Variants in PPP6R2 observed in about 807,000 individuals in gnomAD.
PPP6R2 encodes serine/threonine-protein phosphatase 6 regulatory subunit 2.
Under a neutral mutation model 100.2 loss-of-function variants are expected in PPP6R2, and 62 were observed. The ratio of observed to expected loss-of-function variants is 0.62; its 90% CI spans 0.50 to 0.76. The LOEUF (loss-of-function observed/expected upper bound fraction) is 0.76. Among genes scored for constraint, PPP6R2 ranks in the 30% least tolerant of loss-of-function variants. The pLI, the probability that PPP6R2 is intolerant of heterozygous loss-of-function variation, is 0.00. For missense variants in PPP6R2, 1,142 were observed against 1,276.3 expected (o/e 0.89, Z 1.60); for synonymous variants, 525 against 514.7 (o/e 1.02, Z -0.27).
chr22:50,424,604 AG>A, intron 10 of PPP6R2, among the ~76,000 whole-genome samples: 1 of 150,842 alleles, frequency 6.6e-6, no homozygotes, highest in East Asian at 2.0e-4. Flanking sequence ...CAATTACAAA[AG>A]AGACCTACTT....
chr22:50,356,226 A>AATGCTGGGATTACAGGTGCGAGCC (rs2046542227), intron 1 of PPP6R2, among the ~76,000 whole-genome samples: 1 of 150,606 alleles, frequency 6.6e-6, no homozygotes, highest in African/African-American at 2.4e-5. Flanking sequence ...GGCCTCCCAA[A>AATGCTGGGATTACAGGTGCGAGCC]ATGCTGGGAT....
At chr22:50,331,457 G>C in the PPP6R2 span, among the ~76,000 whole-genome samples, 4 of 152,060 alleles carry the variant, frequency 2.6e-5, no homozygotes, top group African/African-American at 9.7e-5. Context: ...CCAACGCTTA[G>C]TATTATTGTT....
chr22:50,375,855 T>TTTTTTTTTTTTTTTTTTTTTTTG, intron 2 of PPP6R2, among the ~76,000 whole-genome samples: 1 of 143,552 alleles, frequency 7.0e-6, no homozygotes, highest in African/African-American at 2.7e-5. Flanking sequence ...TTTTTTTTTT[T>TTTTTTTTTTTTTTTTTTTTTTTG]TTTGAGATGG....
chr22:50,360,304 G>A (rs954599719), intron 1 of PPP6R2, among the ~76,000 whole-genome samples: 1 of 151,110 alleles, frequency 6.6e-6, no homozygotes, highest in African/African-American at 2.4e-5. Flanking sequence ...GCCTGCCTTG[G>A]CCTCCCAAAG....
Position 50,418,760 on chromosome 22 carries a change from G to T in PPP6R2, c.619-107G>T, listed in dbSNP as rs1246731858. 1.3e-5 allele frequency: 11 copies of T among 819,558 alleles called. No individual in the cohort carries two copies. In the East Asian group the frequency reaches 2.2e-4, roughly 16 times the overall value. The allele number at this position is 819,558 out of a possible 1,614,324, so 50.8% of individuals were successfully genotyped here. The stretch of plus-strand genomic sequence containing the variant: ...GGTATTGAACAACAACGAAAGTCTA[G>T]CATCTGCCAGAGAAGCAGCAGGACT... On this transcript the variant is annotated intron_variant, in intron 6 of 23. Coordinates refer to ENST00000612753, the MANE Select transcript of PPP6R2 (RefSeq NM_001242898.2).
In PPP6R2 at chr22:50,356,469, A is replaced by AT. The variant is rs1333003403; in HGVS notation, c.-148+12928dup. ...AGGTACACACCACCATGTCCAGCTA[A>AT]TTTTTTTTTGTATTTTTAGTAGAGA... On this transcript the variant is annotated intron_variant, in intron 1 of 23. Coordinates refer to ENST00000612753, the MANE Select transcript of PPP6R2 (RefSeq NM_001242898.2). Among the ~76,000 whole-genome samples the AT allele has an allele frequency of 9.3e-5, 14 of 151,034 alleles. No individual in the cohort carries two copies. In the East Asian group the frequency reaches 1.6e-3, roughly 17 times the overall value.
chr22:50,414,428 G>T (rs2060233429), intron 4 of PPP6R2, 124 bp from the exon 5 acceptor site: 2 of 1,084,432 alleles, frequency 1.8e-6, no homozygotes, highest in Non-Finnish European at 2.6e-6. Context: ...ATCTTGTCTG[G>T]GTCTTTCCGT....
chr22:50,437,353 G>A (rs1569492039), intron 15 of PPP6R2, among the ~76,000 whole-genome samples, 153 bp from the exon 16 acceptor site: 1 of 152,222 alleles, frequency 6.6e-6, no homozygotes, highest in Non-Finnish European at 1.5e-5. Flanking sequence ...TGGTAGAATC[G>A]TGAGCCCTGA....
rs771909622 is a variant in PPP6R2 at position 50,416,149 on chromosome 22, G to A, written c.610G>A (p.Asp204Asn). The A allele has an allele frequency of 6.2e-6, 10 of 1,613,210 alleles. No individual in the cohort carries two copies. The highest frequency in any genetic ancestry group is 8.5e-6 in the Non-Finnish European group (10 of 1,179,318). The change falls in exon 6 of 24, where the codon GAT (aspartate) becomes AAT (asparagine). Residue 204 changes from aspartate (D) to asparagine (N), a missense_variant. Asp to Asn is a conservative substitution (Grantham distance 23). Coordinates refer to ENST00000612753, the MANE Select transcript of PPP6R2 (RefSeq NM_001242898.2). ...RLVELIHPSQ[D>N]EDRQSNASQT... is the part of the protein sequence containing the mutation. ...TGTGGAGTTGATCCACCCGAGCCAG[G>A]ATGAAGATGTGAGTGTGCTGCTTAC...
Position 50,394,601 on chromosome 22 carries a change from A to C in PPP6R2, c.227+466A>C, listed in dbSNP as rs1395256885. Among the ~76,000 whole-genome samples, 7 of 43,006 alleles carry C rather than the reference A, an allele frequency of 1.6e-4. No homozygotes were observed. In the South Asian group the frequency reaches 2.9e-3, roughly 18 times the overall value. The allele number at this position is 43,006 out of a possible 152,430, so 28.2% of individuals were successfully genotyped here. On this transcript the variant is annotated intron_variant, in intron 3 of 23. Coordinates refer to ENST00000612753, the MANE Select transcript of PPP6R2 (RefSeq NM_001242898.2). ...GTGACAAGAGTGAAACCCTGTCTTT[A>C]AAAAAAAAAAAAAAAAAAAAAAAGG...
At chr22:50,438,543 T>C in intron 18 of PPP6R2, 56 bp from the exon 19 acceptor site, 1 of 1,588,330 alleles carries the variant, frequency 6.3e-7, no homozygotes, top group East Asian at 2.2e-5. Flanking sequence ...CCACTGACCC[T>C]CCATGTTAGG....
chr22:50,341,201 C>T (rs559035144), upstream of PPP6R2, among the ~76,000 whole-genome samples: 5 of 152,220 alleles, frequency 3.3e-5, no homozygotes, highest in Admixed American at 2.0e-4. Flanking sequence ...TGTGAGCCAC[C>T]GCGCCTGTCC....
intron 4 of PPP6R2, among the ~76,000 whole-genome samples, chr22:50,414,331 G>GCCC (rs57634612): frequency 3.7e-5 from 1 of 26,800 alleles, no homozygotes; most frequent in Non-Finnish European, 1.1e-4. Flanking sequence ...CTGTGCAGTG[G>GCCC]CCCCCCCCCC....
At chr22:50,342,434 G>A (rs938783148), upstream of PPP6R2, among the ~76,000 whole-genome samples, 2 of 152,248 alleles carry the variant, frequency 1.3e-5, no homozygotes, top group African/African-American at 4.8e-5. Context: ...GAAGCCCGGG[G>A]CCGCCAGCCG....
chr22:50,358,709 A>G (rs988075361), intron 1 of PPP6R2, among the ~76,000 whole-genome samples: 4 of 151,958 alleles, frequency 2.6e-5, no homozygotes, highest in Middle Eastern at 3.2e-3. Context: ...TCTTTTCTGT[A>G]TGATCCATCT....
At chr22:50,339,701 AGTGTGTG>A (rs1388872790), upstream of PPP6R2, among the ~76,000 whole-genome samples, 1 of 80,566 alleles carries the variant, frequency 1.2e-5, no homozygotes, top group Non-Finnish European at 2.4e-5. Flanking sequence ...ATTGGTGTGT[AGTGTGTG>A]GTGTGTGTAG....
At chr22:50,388,943 T>C (rs2054852459) in intron 2 of PPP6R2, 1 of 152,114 alleles carries the variant, frequency 6.6e-6, no homozygotes, top group Non-Finnish European at 1.5e-5. Context: ...ATTCTAATTT[T>C]CTCTTAGCAA....
intron 12 of PPP6R2, among the ~76,000 whole-genome samples, chr22:50,432,820 T>C (rs5770850): frequency 0.1 from 15,503 of 152,212 alleles, 1,260 homozygotes; most frequent in East Asian, 0.42. Flanking sequence ...CTCTGGGCGA[T>C]ATGAGGAGGG....
Position 50,444,417 on chromosome 22 carries a change from TCTGC to T in PPP6R2, c.*174_*177del. ...GTTGGACGGCCCAGCTTGCGTCTCT[TCTGC>T]CTGAGTGGGCCTCTCAGGTCACTCG... On this transcript the variant is annotated 3_prime_UTR_variant, in exon 24 of 24. Coordinates refer to ENST00000612753, the MANE Select transcript of PPP6R2 (RefSeq NM_001242898.2). 2 of 875,396 alleles carry T rather than the reference TCTGC, an allele frequency of 2.3e-6. No homozygotes were observed. Among genetic ancestry groups the T allele is most frequent in the East Asian group, 2.8e-5 (1 of 36,344 alleles). The allele number at this position is 875,396 out of a possible 1,614,324, so 54.2% of individuals were successfully genotyped here. A position where few individuals can be genotyped will look rare whatever the true frequency, so the allele number is the denominator to read the frequency against.
Sources: gnomAD v4.1 joint callset for allele counts (sites outside exome capture counted in the v4.1 genomes callset) on GRCh38, gnomAD v4.1.1 for gene constraint, MANE v1.5 for transcripts, NCBI Gene and HGNC (gene_info 2026-07-23, HGNC 2026-07-21) for gene names.